MAML3: variants seen among roughly 807,000 people sequenced by gnomAD.
MAML3 encodes mastermind-like protein 3.
In MAML3, 27 loss-of-function variants were observed where a neutral mutation model predicts 101.9. The observed-to-expected ratio is 0.27, with a 90% CI of 0.20 to 0.37. The LOEUF is 0.37. Among genes scored for constraint, MAML3 ranks in the 10% least tolerant of loss-of-function variants. The pLI is 1.00. For synonymous variants in MAML3, 501 were observed against 555.9 expected, an observed-to-expected ratio of 0.90 and a Z score of 1.39; for missense variants, 1,316 against 1,444.9, an observed-to-expected ratio of 0.91 and a Z score of 1.45.
chr4:140,010,730 A>C (rs1271370620), intron 1 of MAML3, among the ~76,000 whole-genome samples: 3 of 152,194 alleles, frequency 2.0e-5, no homozygotes, highest in Non-Finnish European at 2.9e-5. Flanking sequence ...ATATTTTGAA[A>C]CGGGGTGCAT....
At chr4:139,935,643 GT>G (rs139159033) in intron 1 of MAML3, among the ~76,000 whole-genome samples, 107 of 137,632 alleles carry the variant, frequency 7.8e-4, no homozygotes, top group African/African-American at 1.2e-3. Context: ...GGGTTTTTTT[GT>G]TTTTTTTTTT....
chr4:139,727,823 A>G (rs190660938), intron 3 of MAML3, among the ~76,000 whole-genome samples: 2 of 152,316 alleles, frequency 1.3e-5, no homozygotes, highest in African/African-American at 4.8e-5. Context: ...CTTTCAGGAA[A>G]CCCAAAATCT....
intron 1 of MAML3, among the ~76,000 whole-genome samples, chr4:140,150,582 C>T (rs991176900): frequency 1.3e-5 from 2 of 152,118 alleles, no homozygotes; most frequent in Non-Finnish European, 2.9e-5. Context: ...TTCTGTGGCA[C>T]GGGAATTTTG....
intron 2 of MAML3, among the ~76,000 whole-genome samples, chr4:139,835,641 C>T (rs1731244114): frequency 6.6e-6 from 1 of 152,108 alleles, no homozygotes; most frequent in African/African-American, 2.4e-5. Context: ...CGGGGACCTG[C>T]CCTATTTTTA....
chr4:139,912,424 AC>A (rs1034410658), intron 1 of MAML3, among the ~76,000 whole-genome samples: 3 of 152,232 alleles, frequency 2.0e-5, no homozygotes, highest in African/African-American at 7.2e-5. Context: ...CTAGTCCGTT[AC>A]AGGAAAACAG....
intron 2 of MAML3, among the ~76,000 whole-genome samples, chr4:139,760,508 C>T (rs1467857646): frequency 6.6e-6 from 1 of 152,160 alleles, no homozygotes; most frequent in African/African-American, 2.4e-5. Context: ...TAGCACAGCG[C>T]CTGGCTCATG....
At chr4:140,107,461 T>C (rs1728370913) in intron 1 of MAML3, among the ~76,000 whole-genome samples, 1 of 152,010 alleles carries the variant, frequency 6.6e-6, no homozygotes, top group Non-Finnish European at 1.5e-5. Flanking sequence ...TTCTGTCTGA[T>C]ATGTCCTCTT....
intron 1 of MAML3, among the ~76,000 whole-genome samples, chr4:139,946,034 C>A (rs541423739): frequency 1.8e-4 from 27 of 152,264 alleles, no homozygotes; most frequent in Middle Eastern, 6.8e-3. Flanking sequence ...TAAGTTTCCC[C>A]AAATGGTATG....
chr4:139,728,508 C>A (rs1728568154), intron 3 of MAML3, among the ~76,000 whole-genome samples: 1 of 152,218 alleles, frequency 6.6e-6, no homozygotes, highest in South Asian at 2.1e-4. Context: ...CCTAATCTGG[C>A]AGATGAAGAG....
intron 1 of MAML3, among the ~76,000 whole-genome samples, chr4:139,947,416 C>T (rs892821386): frequency 6.6e-6 from 1 of 152,180 alleles, no homozygotes; most frequent in Non-Finnish European, 1.5e-5. Flanking sequence ...AGAAGCTATA[C>T]ACACATCTCT....
chr4:140,102,774 G>T (rs532831234), intron 1 of MAML3, among the ~76,000 whole-genome samples: 3 of 152,238 alleles, frequency 2.0e-5, no homozygotes, highest in African/African-American at 7.2e-5. Flanking sequence ...TGGTCCCCCT[G>T]ATTACTATCC....
At chr4:139,750,221 GC>G (rs1249320690) in intron 2 of MAML3, among the ~76,000 whole-genome samples, 1 of 152,226 alleles carries the variant, frequency 6.6e-6, no homozygotes, top group Non-Finnish European at 1.5e-5. Context: ...GCCTCCCATA[GC>G]TCCAAGTGAC....
intron 1 of MAML3, among the ~76,000 whole-genome samples, chr4:139,906,341 T>C (rs1228224547): frequency 6.6e-6 from 1 of 152,224 alleles, no homozygotes; most frequent in African/African-American, 2.4e-5. Context: ...AGAAGTATAG[T>C]CAGAGATGAC....
At chr4:139,799,312 G>C (rs186882923) in intron 2 of MAML3, among the ~76,000 whole-genome samples, 2 of 152,324 alleles carry the variant, frequency 1.3e-5, no homozygotes, top group Admixed American at 1.3e-4. Flanking sequence ...CGTCCTTGGA[G>C]TGATTCTTGC....
At chr4:140,067,265 A>C (rs1287667115) in intron 1 of MAML3, among the ~76,000 whole-genome samples, 2 of 152,016 alleles carry the variant, frequency 1.3e-5, no homozygotes, top group African/African-American at 4.8e-5. Context: ...GAAAGAAGAG[A>C]CATAGAAAAA....
intron 1 of MAML3, among the ~76,000 whole-genome samples, chr4:139,911,177 C>A (rs1286086563): frequency 6.6e-6 from 1 of 151,948 alleles, no homozygotes; most frequent in East Asian, 1.9e-4. Context: ...TTTCATTTAG[C>A]ATCATGTCCT....
At chr4:140,152,374 C>A (rs1381329001) in intron 1 of MAML3, among the ~76,000 whole-genome samples, 1 of 152,198 alleles carries the variant, frequency 6.6e-6, no homozygotes, top group Non-Finnish European at 1.5e-5. Flanking sequence ...CCGCCCAGAA[C>A]CTGCGACAGC....
chr4:139,783,882 C>A (rs1476617659), intron 2 of MAML3, among the ~76,000 whole-genome samples: 1 of 152,178 alleles, frequency 6.6e-6, no homozygotes, highest in East Asian at 1.9e-4. Flanking sequence ...TGCTGAACAC[C>A]ATTTTAACAT....
intron 1 of MAML3, among the ~76,000 whole-genome samples, chr4:140,092,030 C>T (rs1349030405): frequency 6.7e-6 from 1 of 148,476 alleles, no homozygotes; most frequent in Non-Finnish European, 1.5e-5. Context: ...ATTGCTCTAT[C>T]TAGCTTATAG....
Sources: gnomAD v4.1 joint callset for allele counts (sites outside exome capture counted in the v4.1 genomes callset) on GRCh38, gnomAD v4.1.1 for gene constraint, MANE v1.5 for transcripts, NCBI Gene and HGNC (gene_info 2026-07-23, HGNC 2026-07-21) for gene names.